Variants in KIF5C observed in about 807,000 individuals in gnomAD.
KIF5C encodes kinesin heavy chain isoform 5C.
Under a neutral mutation model 125.2 loss-of-function variants are expected in KIF5C, and 18 were observed. The observed-to-expected ratio is 0.14, with a 90% CI of 0.10 to 0.21. The LOEUF (loss-of-function observed/expected upper bound fraction) is 0.21, where lower values mean the gene tolerates loss of function less well. Ranked by LOEUF, KIF5C falls within the 10% of genes least tolerant of loss-of-function variation. The pLI is 1.00. For missense variants in KIF5C, 780 were observed against 1,183.8 expected, an observed-to-expected ratio of 0.66 and a Z score of 5.01; for synonymous variants, 405 against 434.0, an observed-to-expected ratio of 0.93 and a Z score of 0.83.
At chr2:148,901,623 A>G (rs1003031771) in intron 1 of KIF5C, among the ~76,000 whole-genome samples, 12 of 152,212 alleles carry the variant, frequency 7.9e-5, no homozygotes, top group Non-Finnish European at 1.8e-4. Context: ...ATTCCCAATG[A>G]CAGGCTATTT....
At position 149,010,325 on chromosome 2, in the gene KIF5C, C is replaced by T. The variant is rs1355720697; in HGVS notation, c.2741C>T (p.Ala914Val). ...GAGGCCGTGCGGGCCAAGAACATGG[C>T]CAGAAGGGCCCATTCAGCCCAGATC... is the stretch of plus-strand genomic sequence containing the variant. ...IKEAVRAKNM[A>V]RRAHSAQIAK... Residue 914 changes from alanine to valine, a missense_variant, in exon 24 of 26, where the codon GCC becomes GTC. This residue lies in a region of KIF5C where 573 missense variants were observed against 742.6 expected (regional missense o/e 0.77). Transcript: ENST00000435030. 3.5e-5 allele frequency: 56 copies of T among 1,588,294 alleles called. No individual in the cohort carries two copies. Among genetic ancestry groups the T allele is most frequent in the Non-Finnish European group, 4.2e-5 (49 of 1,168,072 alleles).
At chr2:149,022,699 G>A (rs1440693466) in intron 25 of KIF5C, among the ~76,000 whole-genome samples, 1 of 152,082 alleles carries the variant, frequency 6.6e-6, no homozygotes, top group Non-Finnish European at 1.5e-5. Context: ...CGAGGTGGGT[G>A]GATCACCTGA....
At position 148,876,423 on chromosome 2, in the gene KIF5C, C is replaced by G. The variant is rs1216086944; in HGVS notation, c.126+680C>G. Among the ~76,000 whole-genome samples, 2 of 152,286 alleles carry G rather than the reference C, an allele frequency of 1.3e-5. No individual in the cohort carries two copies. The highest frequency in any genetic ancestry group is 2.1e-4 in the South Asian group (1 of 4,832). On this transcript the variant is annotated intron_variant, in intron 1 of 25. Coordinates refer to ENST00000435030, the MANE Select transcript of KIF5C (RefSeq NM_004522.3). The surrounding 1 kb of genome is among the most constrained non-coding windows in gnomAD (Gnocchi z 4.7). ...ATGTGGAGTCCCGGCTTGATCCCTCCCCTCTGGGATGACCTCCCTCCCATG... is the reference window on the plus strand; with the variant it reads ...ATGTGGAGTCCCGGCTTGATCCCTCGCCTCTGGGATGACCTCCCTCCCATG...
At chr2:148,885,130 C>G (rs1681479808) in intron 1 of KIF5C, among the ~76,000 whole-genome samples, 1 of 152,102 alleles carries the variant, frequency 6.6e-6, no homozygotes, top group South Asian at 2.1e-4. Context: ...GGATTACAGG[C>G]GCGTGCCATC....
At chr2:148,983,514 C>A in intron 14 of KIF5C, 106 bp from the exon 15 acceptor site, 2 of 1,369,676 alleles carry the variant, frequency 1.5e-6, no homozygotes, top group South Asian at 4.2e-5. Context: ...AGGTTGAAGT[C>A]ATGTAAAAGA....
chr2:149,023,002 A>G (rs2105217056), intron 25 of KIF5C, 76 bp from the exon 26 acceptor site: 1 of 152,320 alleles, frequency 6.6e-6, no homozygotes, highest in South Asian at 2.1e-4. Context: ...CTAGAATTAA[A>G]CAAAACTTTT....
Position 148,875,570 on chromosome 2 carries a change from C to T in KIF5C, c.-48C>T. Reference sequence around the variant, plus strand: ...CGGCCTCCTCCCTCGTCGTTCCCGGCCCCGGCCCCCCACCCATCCCCGTGC... The same window carrying T: ...CGGCCTCCTCCCTCGTCGTTCCCGGTCCCGGCCCCCCACCCATCCCCGTGC... On this transcript the variant is annotated 5_prime_UTR_variant, in exon 1 of 26. Transcript: ENST00000435030. 2 of 692,400 alleles carry T rather than the reference C, an allele frequency of 2.9e-6. No homozygotes were observed. Among genetic ancestry groups the T allele is most frequent in the East Asian group, 6.3e-5 (2 of 31,824 alleles). The allele number at this position is 692,400 out of a possible 1,614,324, so 42.9% of individuals were successfully genotyped here. A position where few individuals can be genotyped will look rare whatever the true frequency, so the allele number is the denominator to read the frequency against.
intron 11 of KIF5C, among the ~76,000 whole-genome samples, chr2:148,964,335 A>G (rs1349878399): frequency 4.6e-5 from 7 of 152,146 alleles, no homozygotes; most frequent in Non-Finnish European, 1.0e-4. Flanking sequence ...GTGAGATCCT[A>G]CATGAGCCTT....
intron 16 of KIF5C, 31 bp from the exon 17 acceptor site, chr2:148,994,390 T>G: frequency 1.3e-6 from 2 of 1,548,372 alleles, no homozygotes; most frequent in East Asian, 4.9e-5. Flanking sequence ...CACTTGCTAG[T>G]CATTCACTCT....
chr2:148,937,162 G>A (rs1306461132), intron 3 of KIF5C, 122 bp from the exon 4 acceptor site: 19 of 1,381,174 alleles, frequency 1.4e-5, no homozygotes, highest in Non-Finnish European at 1.8e-5. Flanking sequence ...GAGCTGGCAG[G>A]CACACGTGGG....
intron 1 of KIF5C, among the ~76,000 whole-genome samples, chr2:148,896,337 C>G (rs1574699437): frequency 6.6e-6 from 1 of 152,330 alleles, no homozygotes; most frequent in East Asian, 1.9e-4. Flanking sequence ...GCCACGTCAG[C>G]AGCATGCCAG....
intron 12 of KIF5C, among the ~76,000 whole-genome samples, chr2:148,976,393 C>T (rs1558927752): frequency 6.6e-6 from 1 of 151,918 alleles, no homozygotes; most frequent in African/African-American, 2.4e-5. Context: ...CCTCAGCCTC[C>T]TGAGTAGCTG....
At chr2:149,001,168 A>G (rs1271726860) in intron 21 of KIF5C, among the ~76,000 whole-genome samples, 2 of 152,220 alleles carry the variant, frequency 1.3e-5, no homozygotes, top group Non-Finnish European at 2.9e-5. Flanking sequence ...CCCTGTCCTC[A>G]TGAAGCTTAC....
At chr2:149,015,599 G>A (rs539566930) in intron 25 of KIF5C, among the ~76,000 whole-genome samples, 25 of 152,298 alleles carry the variant, frequency 1.6e-4, no homozygotes, top group African/African-American at 5.5e-4. Flanking sequence ...AGGTTTCAGA[G>A]CCTATGAAGA....
At chr2:148,928,114 G>A (rs1274113934) in intron 2 of KIF5C, among the ~76,000 whole-genome samples, 1 of 151,928 alleles carries the variant, frequency 6.6e-6, no homozygotes, top group East Asian at 1.9e-4. Flanking sequence ...TAACAAATCA[G>A]AATTGATATA....
chr2:148,875,694 G>A lies in KIF5C; in HGVS notation c.77G>A (p.Gly26Glu), dbSNP rs1299666658. The change falls in exon 1 of 26, where the codon GGG becomes GAG. Residue 26 changes from glycine to glutamate, a missense_variant. This residue lies in a region of KIF5C where 207 missense variants were observed against 441.2 expected (regional missense o/e 0.47). Coordinates refer to ENST00000435030, the MANE Select transcript of KIF5C (RefSeq NM_004522.3). ...CTCAACGAAGCGGAGATCCTCCGCG[G>A]GGACAAATTCATCCCCAAATTTAAA... ...RPLNEAEILR[G>E]DKFIPKFKGD... The A allele has an allele frequency of 2.5e-6, 4 of 1,595,944 alleles. No individual in the cohort carries two copies. In the East Asian group the frequency reaches 9.1e-5, roughly 36 times the overall value.
chr2:148,971,348 C>G (rs547108912), intron 11 of KIF5C, among the ~76,000 whole-genome samples: 1 of 148,416 alleles, frequency 6.7e-6, no homozygotes, highest in Admixed American at 6.7e-5. Context: ...CTATCTATCT[C>G]TAATATGTTT....
At chr2:148,983,428 C>G (rs759625006) in intron 14 of KIF5C, among the ~76,000 whole-genome samples, 192 bp from the exon 15 acceptor site, 4 of 152,176 alleles carry the variant, frequency 2.6e-5, no homozygotes, top group Non-Finnish European at 5.9e-5. Flanking sequence ...CCATGTGATA[C>G]AACTTGTTGA....
At chr2:148,946,821 G>T in intron 7 of KIF5C, 78 bp from the exon 8 acceptor site, 1 of 1,579,752 alleles carries the variant, frequency 6.3e-7, no homozygotes. Flanking sequence ...GGCATGACTT[G>T]TTATGCTTTT....
Sources: gnomAD v4.1 joint callset for allele counts (sites outside exome capture counted in the v4.1 genomes callset) on GRCh38, gnomAD v4.1.1 for gene constraint, gnomAD v4.1.1 regional missense constraint, Gnocchi (gnomAD v3.1) non-coding constraint, MANE v1.5 for transcripts, NCBI Gene and HGNC (gene_info 2026-07-23, HGNC 2026-07-21) for gene names.